The following ST7L variants were observed in gnomAD, a reference collection of about 807,000 sequenced individuals.
The protein encoded by ST7L is suppressor of tumorigenicity 7 protein-like.
Under a neutral mutation model 72.5 loss-of-function variants are expected in ST7L, and 57 were observed. That is an observed-to-expected ratio of 0.79 (90% confidence interval 0.64 to 0.98). The LOEUF (loss-of-function observed/expected upper bound fraction) is 0.98. Among genes scored for constraint, ST7L ranks in the 50% least tolerant of loss-of-function variants. The pLI, the probability that ST7L is intolerant of heterozygous loss-of-function variation, is 0.00. For synonymous variants in ST7L, 221 were observed against 240.9 expected (o/e 0.92, Z 0.77); for missense variants, 576 against 672.2 (o/e 0.86, Z 1.58).
At chr1:112,547,782 T>C (rs1657397175) in intron 13 of ST7L, among the ~76,000 whole-genome samples, 1 of 151,346 alleles carries the variant, frequency 6.6e-6, no homozygotes, top group African/African-American at 2.4e-5. Flanking sequence ...CAGGCTGGTC[T>C]CGGACTCCTG....
At chr1:112,610,283 C>T (rs1668873677) in intron 3 of ST7L, among the ~76,000 whole-genome samples, 2 of 151,990 alleles carry the variant, frequency 1.3e-5, no homozygotes, top group South Asian at 4.1e-4. Context: ...CAGTCTTACA[C>T]GACAAAGTAA....
intron 10 of ST7L, 70 bp from the exon 11 acceptor site, chr1:112,577,158 T>C: frequency 1.0e-6 from 1 of 960,064 alleles, no homozygotes; most frequent in South Asian, 1.8e-5. Context: ...ATTTAGATAA[T>C]AATACAGCCC....
chr1:112,574,216 CTTT>C (rs749479758), intron 11 of ST7L, among the ~76,000 whole-genome samples: 3 of 127,094 alleles, frequency 2.4e-5, no homozygotes, highest in Non-Finnish European at 3.4e-5. Context: ...TGCGCCCGGA[CTTT>C]TTTTTTTTTT....
At chr1:112,566,689 C>G (rs1661121725) in intron 11 of ST7L, among the ~76,000 whole-genome samples, 1 of 152,180 alleles carries the variant, frequency 6.6e-6, no homozygotes, top group Admixed American at 6.5e-5. Context: ...GTTTTCATTT[C>G]TACCACCACA....
Position 112,526,015 on chromosome 1 carries a change from A to G in ST7L, c.1726T>C (p.Ter576ArgextTer16). The G allele has an allele frequency of 1.2e-6, 2 of 1,614,194 alleles. No individual in the cohort carries two copies. Among genetic ancestry groups the G allele is most frequent in the Non-Finnish European group, 1.7e-6 (2 of 1,180,004 alleles). ...KSEDLGLSSG[*>R] The stretch of plus-strand genomic sequence containing the variant: ...AGGTCACATGAACAGTGCGTGGCTC[A>G]GCCAGAACTCAAACCTAGGTCTTCT... The change falls in exon 15 of 15, where the codon TGA becomes CGA. Residue 576 changes from the stop codon to arginine, a stop_lost. Coordinates refer to ENST00000358039, the MANE Select transcript of ST7L (RefSeq NM_017744.5).
At chr1:112,550,753 G>T in intron 12 of ST7L, 60 bp from the exon 13 acceptor site, 2 of 1,350,956 alleles carry the variant, frequency 1.5e-6, no homozygotes, top group South Asian at 1.3e-5. Context: ...TCCTATATTT[G>T]GAGACAAATT....
chr1:112,530,826 TAAAGAG>T (rs1392384971), intron 14 of ST7L, among the ~76,000 whole-genome samples: 2 of 152,114 alleles, frequency 1.3e-5, no homozygotes, highest in East Asian at 3.8e-4. Flanking sequence ...TTCAGTTACT[TAAAGAG>T]AAAATAATAC....
intron 11 of ST7L, among the ~76,000 whole-genome samples, chr1:112,569,819 G>A (rs1661746833): frequency 6.6e-6 from 1 of 151,918 alleles, no homozygotes; most frequent in Non-Finnish European, 1.5e-5. Context: ...TTACCCGGGC[G>A]TAGTGGCACG....
intron 11 of ST7L, among the ~76,000 whole-genome samples, chr1:112,557,825 A>T (rs574228244): frequency 6.6e-6 from 1 of 152,322 alleles, no homozygotes; most frequent in South Asian, 2.1e-4. Flanking sequence ...ATACTGCAGG[A>T]TACATTTAAT....
rs772598709 is a variant in ST7L, at chr1:112,576,924, C to T, written c.1245+62G>A. The T allele has an allele frequency of 3.3e-4, 433 of 1,293,076 alleles. 1 individual carries two copies. Among genetic ancestry groups the T allele is most frequent in the South Asian group, 1.9e-3 (149 of 77,250 alleles). The allele number at this position is 1,293,076 out of a possible 1,614,324, so 80.1% of individuals were successfully genotyped here. A position where few individuals can be genotyped will look rare whatever the true frequency, so the allele number is the denominator to read the frequency against. On this transcript the variant is annotated intron_variant, in intron 11 of 14. Coordinates refer to ENST00000358039, the MANE Select transcript of ST7L (RefSeq NM_017744.5). ...TTATGGTGACCCAGACTCTGGTCTA[C>T]GAACTGTCATCAATTTGATAAACTT...
chr1:112,533,193 G>A (rs953081670), intron 14 of ST7L, among the ~76,000 whole-genome samples: 2 of 140,128 alleles, frequency 1.4e-5, no homozygotes, highest in Admixed American at 6.9e-5. Context: ...AGAGGCTGAA[G>A]TCTATGCAGT....
At chr1:112,539,718 T>G (rs1655805350) in intron 14 of ST7L, 1 of 983,616 alleles carries the variant, frequency 1.0e-6, no homozygotes, top group Non-Finnish European at 1.2e-6. Context: ...CATACCACAG[T>G]CATTTCCCAT....
intron 12 of ST7L, among the ~76,000 whole-genome samples, chr1:112,551,444 G>A (rs1026950873): frequency 3.3e-5 from 5 of 152,132 alleles, no homozygotes; most frequent in East Asian, 1.9e-4. Flanking sequence ...CACCGCGCCC[G>A]GCCTATGAGC....
intron 1 of ST7L, chr1:112,618,203 A>G (rs1670242903): frequency 4.2e-6 from 5 of 1,203,944 alleles, no homozygotes; most frequent in Non-Finnish European, 5.3e-6. Context: ...ACAGCTAAAG[A>G]ATAGTACAGT....
chr1:112,537,773 G>A (rs138303613), intron 14 of ST7L, among the ~76,000 whole-genome samples: 2 of 152,254 alleles, frequency 1.3e-5, no homozygotes, highest in East Asian at 3.9e-4. Flanking sequence ...ATTGCTCTGT[G>A]TCTAATGTCA....
intron 5 of ST7L, among the ~76,000 whole-genome samples, chr1:112,595,313 C>T (rs1371875557): frequency 1.5e-5 from 2 of 135,256 alleles, no homozygotes; most frequent in African/African-American, 5.7e-5. Flanking sequence ...TGTGGTGAGC[C>T]GAGATTGCAC....
In ST7L at chr1:112,572,511, CTTTTG is replaced by C. The variant is rs1347910032; in HGVS notation, c.1245+4470_1245+4474del. On this transcript the variant is annotated intron_variant, in intron 11 of 14. Coordinates refer to ENST00000358039, the MANE Select transcript of ST7L (RefSeq NM_017744.5). ...AGAAGAAAAAAAATTTGAAGAAAAT[CTTTTG>C]TTTATTATATCTACCTTCATGGAAT... 2.6e-5 allele frequency among the ~76,000 whole-genome samples: 4 copies of C among 152,234 alleles called. No individual in the cohort carries two copies. The East Asian group carries it at 7.7e-4, about 29-fold the overall frequency.
At chr1:112,557,279 C>T (rs1659361335) in intron 11 of ST7L, among the ~76,000 whole-genome samples, 1 of 152,078 alleles carries the variant, frequency 6.6e-6, no homozygotes, top group Admixed American at 6.6e-5. Context: ...CCTTAAGCAA[C>T]TACTAACCTA....
intron 14 of ST7L, among the ~76,000 whole-genome samples, chr1:112,537,984 C>T (rs1222750187): frequency 6.6e-6 from 1 of 152,168 alleles, no homozygotes; most frequent in Non-Finnish European, 1.5e-5. Flanking sequence ...AGTGCCTGGC[C>T]TCACCATAAC....
Sources: allele counts gnomAD v4.1 joint callset (sites outside exome capture counted in the v4.1 genomes callset), GRCh38; gene constraint gnomAD v4.1.1; transcripts MANE v1.5; gene names NCBI Gene and HGNC (gene_info 2026-07-23, HGNC 2026-07-21).